TMEM131: variants seen among roughly 807,000 people sequenced by gnomAD.
TMEM131 encodes the protein 2610524E03Rik.
TMEM131 carries 66 observed loss-of-function variants against 211.6 expected under a neutral mutation model. The ratio of observed to expected loss-of-function variants is 0.31; its 90% CI spans 0.26 to 0.38. The LOEUF is 0.38. Among genes scored for constraint, TMEM131 ranks in the 10% least tolerant of loss-of-function variants. The pLI is 1.00. For synonymous variants in TMEM131, 844 were observed against 841.3 expected, an observed-to-expected ratio of 1.00 and a Z score of -0.06; for missense variants, 2,036 against 2,299.3, an observed-to-expected ratio of 0.89 and a Z score of 2.34.
chr2:97,946,666 GA>G (rs1012341406), intron 1 of TMEM131, among the ~76,000 whole-genome samples: 15 of 148,302 alleles, frequency 1.0e-4, no homozygotes, highest in East Asian at 3.9e-4. Flanking sequence ...TATTTAAGGG[GA>G]AAAAAAAAAT....
chr2:97,937,112 A>G (rs1677481544), intron 1 of TMEM131, among the ~76,000 whole-genome samples: 1 of 152,190 alleles, frequency 6.6e-6, no homozygotes, highest in African/African-American at 2.4e-5. Context: ...GACTTACTAG[A>G]AGACTTTAAA....
chr2:97,835,016 A>G (rs1289368532), intron 8 of TMEM131, 91 bp from the exon 9 acceptor site: 2 of 1,382,324 alleles, frequency 1.4e-6, no homozygotes, highest in Admixed American at 3.9e-5. Flanking sequence ...TGACTGAAAG[A>G]TGAGTATTCT....
At chr2:97,949,063 C>A (rs534260005) in intron 1 of TMEM131, among the ~76,000 whole-genome samples, 1 of 152,168 alleles carries the variant, frequency 6.6e-6, no homozygotes, top group Admixed American at 6.5e-5. Context: ...AAGACTTGTA[C>A]ATGAATATTT....
chr2:97,884,455 T>G (rs1393769434), intron 4 of TMEM131, among the ~76,000 whole-genome samples: 1 of 152,214 alleles, frequency 6.6e-6, no homozygotes, highest in Non-Finnish European at 1.5e-5. Context: ...ATGGTGTAGT[T>G]TAAATCCAAT....
At chr2:97,908,311 C>G (rs77064418) in intron 3 of TMEM131, among the ~76,000 whole-genome samples, 7,694 of 152,152 alleles carry the variant, frequency 0.051, 278 homozygotes, top group Middle Eastern at 0.12. Context: ...CGGGCAGACC[C>G]CTGGTAACTG....
intron 11 of TMEM131, among the ~76,000 whole-genome samples, chr2:97,833,139 C>CTTTG (rs1025761155): frequency 6.6e-6 from 1 of 152,166 alleles, no homozygotes; most frequent in African/African-American, 2.4e-5. Context: ...AACTCATGAA[C>CTTTG]TTTGGTTCAA....
Position 97,814,258 on chromosome 2 carries a change from C to T in TMEM131, c.1423G>A (p.Glu475Lys), listed in dbSNP as rs911142532. Residue 475 changes from glutamate (E) to lysine (K), a missense_variant, in exon 14 of 41, where the codon GAA (glutamate) becomes AAA (lysine). Physicochemically the swap from Glu to Lys is moderately conservative, Grantham distance 56. Coordinates refer to ENST00000186436, the MANE Select transcript of TMEM131 (RefSeq NM_015348.2). ...AILIHDVLLP[E>K]EAKTMFKVHN... The stretch of plus-strand genomic sequence containing the variant: ...ACTTTAAACATTGTTTTGGCTTCTT[C>T]TGGTAGCAACACATCGTGAATGAGG... 6.2e-7 allele frequency: 1 copy of T among 1,613,536 alleles called. No homozygotes were observed. The highest frequency in any genetic ancestry group is 1.3e-5 in the African/African-American group (1 of 74,880).
chr2:97,913,786 C>T (rs988796992), intron 2 of TMEM131, among the ~76,000 whole-genome samples: 2 of 152,164 alleles, frequency 1.3e-5, no homozygotes, highest in Admixed American at 6.5e-5. Context: ...AGAATTTAAG[C>T]TTCTTGATGG....
rs148359465 is a variant in TMEM131 at position 97,772,017 on chromosome 2, T to C, written c.4448+280A>G. 9.1e-4 allele frequency among the ~76,000 whole-genome samples: 138 copies of C among 152,370 alleles called. 2 individuals carry two copies. In the East Asian group the frequency reaches 0.021, roughly 23 times the overall value. ...AGTAAAATGGATCTCAGCCTGGGAC[T>C]GAATCACCAACAGAAATTTTCCTCC... is the stretch of plus-strand genomic sequence containing the variant. On this transcript the variant is annotated intron_variant, in intron 33 of 40. Transcript: ENST00000186436.
At chr2:97,788,509 C>T (rs530122493) in intron 31 of TMEM131, among the ~76,000 whole-genome samples, 1 of 152,220 alleles carries the variant, frequency 6.6e-6, no homozygotes, top group Non-Finnish European at 1.5e-5. Flanking sequence ...TCCATCTCTA[C>T]CAACTCACGC....
chr2:97,917,928 A>T (rs6742955), intron 2 of TMEM131, among the ~76,000 whole-genome samples: 3,317 of 150,904 alleles, frequency 0.022, 132 homozygotes, highest in African/African-American at 0.077. Context: ...CTCTAATCAC[A>T]TGATTGGTTT....
At chr2:97,868,426 C>T (rs1674358372) in intron 4 of TMEM131, among the ~76,000 whole-genome samples, 1 of 152,054 alleles carries the variant, frequency 6.6e-6, no homozygotes. Context: ...ATCTTGGTCT[C>T]TTAATTGATG....
At chr2:97,761,099 G>T in intron 36 of TMEM131, 185 bp from the exon 37 acceptor site, 1 of 669,870 alleles carries the variant, frequency 1.5e-6, no homozygotes, top group Non-Finnish European at 2.5e-6. Flanking sequence ...GAGATAGAGG[G>T]CTTTCTGGAG....
At chr2:97,972,672 T>C (rs1431612040) in intron 1 of TMEM131, among the ~76,000 whole-genome samples, 1 of 152,176 alleles carries the variant, frequency 6.6e-6, no homozygotes, top group Non-Finnish European at 1.5e-5. Context: ...AGCTCCCAGA[T>C]GCAATTAAGG....
chr2:97,861,765 G>C (rs1674078494), intron 4 of TMEM131, among the ~76,000 whole-genome samples: 1 of 152,210 alleles, frequency 6.6e-6, no homozygotes, highest in East Asian at 1.9e-4. Context: ...GACTGGTCTG[G>C]ACACACCTAC....
At chr2:97,830,604 GATATT>G (rs1196411613) in intron 11 of TMEM131, among the ~76,000 whole-genome samples, 3 of 152,220 alleles carry the variant, frequency 2.0e-5, no homozygotes, top group Non-Finnish European at 4.4e-5. Flanking sequence ...ATGTTAAGCT[GATATT>G]ATGATTCCGA....
intron 1 of TMEM131, among the ~76,000 whole-genome samples, chr2:97,976,451 T>TA (rs202109600): frequency 0.036 from 5,434 of 152,260 alleles, 134 homozygotes; most frequent in Middle Eastern, 0.082. Flanking sequence ...ATGAAATACT[T>TA]AGAGATAAAT....
chr2:97,815,416 A>T, intron 12 of TMEM131, 109 bp from the exon 13 acceptor site: 1 of 615,716 alleles, frequency 1.6e-6, no homozygotes, highest in South Asian at 2.6e-5. Flanking sequence ...TGAGCTTCCA[A>T]ATTGGCCAAC....
intron 3 of TMEM131, among the ~76,000 whole-genome samples, chr2:97,892,307 G>A (rs756813231): frequency 3.9e-5 from 6 of 152,060 alleles, no homozygotes; most frequent in Non-Finnish European, 8.8e-5. Context: ...TTTTATTAAT[G>A]GTGTCTTTTG....
Sources: allele counts gnomAD v4.1 joint callset (sites outside exome capture counted in the v4.1 genomes callset), GRCh38; gene constraint gnomAD v4.1.1; transcripts MANE v1.5; gene names NCBI Gene and HGNC (gene_info 2026-07-23, HGNC 2026-07-21).